The following AGBL1 variants were observed in gnomAD, a reference collection of about 807,000 sequenced individuals.
AGBL1 encodes AGBL carboxypeptidase 1, also known as cytosolic carboxypeptidase 4.
In AGBL1, 130 loss-of-function variants were observed where a neutral mutation model predicts 118.9. The observed-to-expected ratio is 1.09, with a 90% CI of 0.95 to 1.26. The LOEUF (loss-of-function observed/expected upper bound fraction) is 1.26. Ranked by LOEUF, AGBL1 falls within the 50% of genes most tolerant of loss-of-function variation. The pLI, the probability that AGBL1 is intolerant of heterozygous loss-of-function variation, is 0.00. For missense variants in AGBL1, 1,584 were observed against 1,298.1 expected (o/e 1.22, Z -3.38); for synonymous variants, 555 against 478.9 (o/e 1.16, Z -2.08).
chr15:86,568,029 A>C (rs1025239765), intron 21 of AGBL1, among the ~76,000 whole-genome samples: 1 of 152,180 alleles, frequency 6.6e-6, no homozygotes, highest in Admixed American at 6.5e-5. Context: ...GGCTTTTGTC[A>C]TGAAGTCTCA....
intron 22 of AGBL1, among the ~76,000 whole-genome samples, chr15:86,735,973 AG>A (rs1188793644): frequency 6.6e-5 from 10 of 152,116 alleles, no homozygotes; most frequent in Admixed American, 6.6e-4. Context: ...ATATTTATGG[AG>A]GTGCCAGCAC....
At chr15:86,591,054 C>A (rs145831243) in intron 21 of AGBL1, among the ~76,000 whole-genome samples, 4 of 152,120 alleles carry the variant, frequency 2.6e-5, no homozygotes. Context: ...AAGTTTAGTT[C>A]GCTCTCTAGT....
chr15:86,378,784 G>T (rs1373806187), intron 17 of AGBL1, among the ~76,000 whole-genome samples: 1 of 152,118 alleles, frequency 6.6e-6, no homozygotes, highest in Non-Finnish European at 1.5e-5. Flanking sequence ...GCAGGGCGAG[G>T]GTTCAGGGCA....
At chr15:86,298,348 G>GGT (rs2141788430) in intron 17 of AGBL1, among the ~76,000 whole-genome samples, 1 of 89,300 alleles carries the variant, frequency 1.1e-5, no homozygotes, top group African/African-American at 4.6e-5. Context: ...ATATATATAT[G>GGT]AATATATTCT....
chr15:86,895,166 TCTCTTTCCCCC>T (rs1000030117), intron 22 of AGBL1, among the ~76,000 whole-genome samples: 7 of 127,788 alleles, frequency 5.5e-5, no homozygotes, highest in African/African-American at 1.7e-4. Context: ...TTTTCTTCTT[TCTCTTTCCCCC>T]CTCTTTTCTT....
At chr15:86,212,483 G>T (rs189301115) in intron 5 of AGBL1, among the ~76,000 whole-genome samples, 1 of 152,238 alleles carries the variant, frequency 6.6e-6, no homozygotes, top group African/African-American at 2.4e-5. Context: ...GCTTTCTAAA[G>T]AATGAGAGAA....
intron 21 of AGBL1, among the ~76,000 whole-genome samples, chr15:86,616,478 A>G (rs933393680): frequency 2.6e-5 from 4 of 152,184 alleles, no homozygotes; most frequent in African/African-American, 7.2e-5. Context: ...AAAATGGGAA[A>G]GGAGAAAAGA....
chr15:86,922,884 T>G (rs768007730), intron 23 of AGBL1, among the ~76,000 whole-genome samples: 1 of 152,082 alleles, frequency 6.6e-6, no homozygotes, highest in Non-Finnish European at 1.5e-5. Flanking sequence ...ACGGGACTGG[T>G]TTAGGAAACT....
At chr15:86,675,788 C>T (rs547917055) in intron 22 of AGBL1, among the ~76,000 whole-genome samples, 79 of 152,188 alleles carry the variant, frequency 5.2e-4, no homozygotes, top group African/African-American at 1.7e-3. Flanking sequence ...CTCTTTTTCC[C>T]CCTCTCTCCT....
intron 19 of AGBL1, among the ~76,000 whole-genome samples, chr15:86,543,202 A>G (rs1287430108): frequency 6.7e-6 from 1 of 148,504 alleles, no homozygotes; most frequent in Non-Finnish European, 1.5e-5. Context: ...TGTTTGCCCT[A>G]TTGTTTACAA....
intron 22 of AGBL1, among the ~76,000 whole-genome samples, chr15:86,711,242 C>G (rs2086550590): frequency 6.6e-6 from 1 of 152,154 alleles, no homozygotes; most frequent in African/African-American, 2.4e-5. Flanking sequence ...CAGCTTAGTT[C>G]TTTGGAAACA....
At chr15:86,932,027 A>C (rs2080612738) in intron 23 of AGBL1, among the ~76,000 whole-genome samples, 1 of 152,166 alleles carries the variant, frequency 6.6e-6, no homozygotes, top group Admixed American at 6.5e-5. Flanking sequence ...TAGAGTTATA[A>C]AGCTGGAAGG....
At chr15:86,238,028 G>C (rs973839220) in intron 6 of AGBL1, among the ~76,000 whole-genome samples, 1 of 152,146 alleles carries the variant, frequency 6.6e-6, no homozygotes, top group Non-Finnish European at 1.5e-5. Context: ...CTGCATCCTG[G>C]TTCCTTCTTG....
intron 22 of AGBL1, among the ~76,000 whole-genome samples, chr15:86,882,828 G>C (rs922754206): frequency 6.6e-6 from 1 of 152,068 alleles, no homozygotes; most frequent in African/African-American, 2.4e-5. Flanking sequence ...AAAAAAACTA[G>C]ACAGGAACCT....
intron 17 of AGBL1, among the ~76,000 whole-genome samples, chr15:86,324,962 ACT>A (rs2080164195): frequency 6.6e-6 from 1 of 152,138 alleles, no homozygotes; most frequent in Non-Finnish European, 1.5e-5. Context: ...GGTGAGGGTG[ACT>A]GGACAAGGGA....
At chr15:86,330,744 A>C (rs1472515111) in intron 17 of AGBL1, among the ~76,000 whole-genome samples, 2 of 152,192 alleles carry the variant, frequency 1.3e-5, no homozygotes, top group East Asian at 3.9e-4. Flanking sequence ...CAATCCAGGA[A>C]ATGAAGGATG....
At chr15:86,296,243 A>AC (rs997632171) in intron 17 of AGBL1, 3 of 151,672 alleles carry the variant, frequency 2.0e-5, no homozygotes, top group African/African-American at 7.3e-5. Context: ...AAAAACAAAA[A>AC]AAAAACACCC....
chr15:86,867,927 G>A (rs1430514069), intron 22 of AGBL1, among the ~76,000 whole-genome samples: 2 of 152,126 alleles, frequency 1.3e-5, no homozygotes, highest in African/African-American at 4.8e-5. Flanking sequence ...TTATAATAGG[G>A]AATAAAGGAA....
intron 5 of AGBL1, among the ~76,000 whole-genome samples, chr15:86,172,656 A>C (rs2077431649): frequency 6.6e-6 from 1 of 152,196 alleles, no homozygotes; most frequent in Admixed American, 6.5e-5. Context: ...AGATCCATCC[A>C]TGTTGCTGCA....
Sources: allele counts gnomAD v4.1 joint callset (sites outside exome capture counted in the v4.1 genomes callset), GRCh38; gene constraint gnomAD v4.1.1; transcripts MANE v1.5; gene names NCBI Gene and HGNC (gene_info 2026-07-23, HGNC 2026-07-21).